The following PPP2R2B variants were observed in gnomAD, a reference collection of about 807,000 sequenced individuals.
PPP2R2B encodes the protein protein phosphatase 2 regulatory subunit Bbeta, also known as serine/threonine-protein phosphatase 2A 55 kDa regulatory subunit B beta isoform.
PPP2R2B carries 5 observed loss-of-function variants against 46.0 expected under a neutral mutation model. That is an observed-to-expected ratio of 0.11 (90% CI 0.06 to 0.23). The LOEUF (loss-of-function observed/expected upper bound fraction) is 0.23, where lower values mean the gene tolerates loss of function less well. PPP2R2B is among the 10% of genes least tolerant of loss of function. PPP2R2B has a pLI of 1.00. For synonymous variants in PPP2R2B, 215 were observed against 206.7 expected (o/e 1.04, Z -0.34); for missense variants, 367 against 575.0 (o/e 0.64, Z 3.70).
At chr5:146,705,933 CTTTTTT>C (rs747667342) in intron 2 of PPP2R2B, among the ~76,000 whole-genome samples, 2 of 139,464 alleles carry the variant, frequency 1.4e-5, no homozygotes, top group Non-Finnish European at 3.1e-5. Context: ...TATCTTTTCT[CTTTTTT>C]TTTTTTTTGG....
intron 2 of PPP2R2B, among the ~76,000 whole-genome samples, chr5:147,079,193 A>C (rs1757893372): frequency 6.6e-6 from 1 of 151,740 alleles, no homozygotes; most frequent in Non-Finnish European, 1.5e-5. Context: ...ATACAAATAT[A>C]ATTTTAGATT....
chr5:146,770,330 C>CAAAAAA (rs5871992), intron 2 of PPP2R2B, among the ~76,000 whole-genome samples: 46 of 60,050 alleles, frequency 7.7e-4, no homozygotes, highest in South Asian at 9.2e-4. Flanking sequence ...GATTCCGTCT[C>CAAAAAA]AAAAAAAAAA....
chr5:146,727,500 T>C (rs572690226), intron 2 of PPP2R2B, among the ~76,000 whole-genome samples: 4 of 152,106 alleles, frequency 2.6e-5, no homozygotes, highest in African/African-American at 9.6e-5. Flanking sequence ...AGTGAAATAA[T>C]AAACATTGGA....
chr5:146,800,196 A>C (rs953750624), intron 2 of PPP2R2B, among the ~76,000 whole-genome samples: 7 of 149,554 alleles, frequency 4.7e-5, no homozygotes, highest in African/African-American at 1.8e-4. Context: ...TTTCCAAATA[A>C]AAGATAAATA....
At chr5:146,986,040 A>G (rs192994629) in intron 1 of PPP2R2B, among the ~76,000 whole-genome samples, 1 of 152,194 alleles carries the variant, frequency 6.6e-6, no homozygotes, top group African/African-American at 2.4e-5. Context: ...ATGTAAGACA[A>G]CACCTTCACA....
chr5:146,720,262 G>C (rs3844189), intron 2 of PPP2R2B, among the ~76,000 whole-genome samples: 29,607 of 152,134 alleles, frequency 0.19, 2,994 homozygotes, highest in East Asian at 0.36. Flanking sequence ...AACTGCAAAT[G>C]CAAGTGTGGA....
chr5:146,902,986 C>A (rs979708792), intron 1 of PPP2R2B, among the ~76,000 whole-genome samples: 58 of 152,188 alleles, frequency 3.8e-4, no homozygotes, highest in African/African-American at 1.4e-3. Flanking sequence ...AACTCTCATT[C>A]TCTCATGAGT....
intron 2 of PPP2R2B, among the ~76,000 whole-genome samples, chr5:146,803,158 C>T (rs946018939): frequency 2.6e-5 from 4 of 152,180 alleles, no homozygotes; most frequent in African/African-American, 9.7e-5. Context: ...AAATGCTTTA[C>T]AGCTACTATT....
chr5:146,833,854 A>T (rs1422936544), intron 2 of PPP2R2B, among the ~76,000 whole-genome samples: 1 of 152,056 alleles, frequency 6.6e-6, no homozygotes, highest in Non-Finnish European at 1.5e-5. Context: ...AAATCAAATA[A>T]TATTCAATGT....
intron 1 of PPP2R2B, among the ~76,000 whole-genome samples, chr5:147,018,405 T>C (rs1056829354): frequency 2.6e-5 from 4 of 152,158 alleles, no homozygotes. Flanking sequence ...GGACTCGATT[T>C]GGAAGGGTCA....
chr5:146,753,758 A>C (rs1012256927), intron 2 of PPP2R2B, among the ~76,000 whole-genome samples: 3 of 152,094 alleles, frequency 2.0e-5, no homozygotes, highest in African/African-American at 7.2e-5. Flanking sequence ...CTGAAATGGC[A>C]TTTTCCTTTT....
chr5:146,888,164 C>T (rs777807058), intron 1 of PPP2R2B, among the ~76,000 whole-genome samples: 3 of 152,066 alleles, frequency 2.0e-5, no homozygotes, highest in Non-Finnish European at 4.4e-5. Context: ...AGTCCACAGT[C>T]CCACAGCTCA....
At chr5:146,692,668 G>A (rs891679483) in intron 4 of PPP2R2B, among the ~76,000 whole-genome samples, 1 of 151,664 alleles carries the variant, frequency 6.6e-6, no homozygotes, top group East Asian at 1.9e-4. Flanking sequence ...TGAGTAGGTG[G>A]GACTACAGGC....
chr5:146,840,592 G>A (rs1759576186), intron 2 of PPP2R2B, among the ~76,000 whole-genome samples: 1 of 152,098 alleles, frequency 6.6e-6, no homozygotes, highest in African/African-American at 2.4e-5. Flanking sequence ...TACCCAAAGG[G>A]GTTTGGAGGT....
chr5:146,918,809 T>G (rs1191012767), intron 1 of PPP2R2B, among the ~76,000 whole-genome samples: 2 of 152,208 alleles, frequency 1.3e-5, no homozygotes, highest in Non-Finnish European at 2.9e-5. Context: ...TTTTTTTTCC[T>G]GAAGAGGCTA....
At chr5:146,935,649 C>T (rs1289916944) in intron 1 of PPP2R2B, among the ~76,000 whole-genome samples, 5 of 151,588 alleles carry the variant, frequency 3.3e-5, no homozygotes, top group Non-Finnish European at 5.9e-5. Flanking sequence ...AAAGTGTGAG[C>T]CAGGTAAAGG....
intron 1 of PPP2R2B, among the ~76,000 whole-genome samples, chr5:147,035,571 G>T (rs1485666593): frequency 6.6e-6 from 1 of 152,150 alleles, no homozygotes; most frequent in Non-Finnish European, 1.5e-5. Flanking sequence ...GACTGACTTT[G>T]CTTGACCATT....
intron 5 of PPP2R2B, among the ~76,000 whole-genome samples, chr5:146,681,345 T>G (rs1778157765): frequency 6.6e-6 from 1 of 152,208 alleles, no homozygotes; most frequent in Admixed American, 6.5e-5. Flanking sequence ...ATTTTTAGGA[T>G]TCTTGAGCAA....
At chr5:146,615,544 A>G (rs1267008854) in intron 7 of PPP2R2B, among the ~76,000 whole-genome samples, 1 of 149,800 alleles carries the variant, frequency 6.7e-6, no homozygotes, top group African/African-American at 2.5e-5. Flanking sequence ...AAAAAAAACT[A>G]TTAGAACTGA....
Sources: gnomAD v4.1 joint callset for allele counts (sites outside exome capture counted in the v4.1 genomes callset) on GRCh38, gnomAD v4.1.1 for gene constraint, MANE v1.5 for transcripts, NCBI Gene and HGNC (gene_info 2026-07-23, HGNC 2026-07-21) for gene names.